The following RERE variants were observed in gnomAD, a reference collection of about 807,000 sequenced individuals.
The protein encoded by RERE is arginine-glutamic acid dipeptide repeats protein.
A neutral mutation model predicts 146.1 loss-of-function variants in RERE; 40 were observed. That is an observed-to-expected ratio of 0.27 (90% CI 0.21 to 0.36). RERE has a LOEUF of 0.36. RERE is among the 10% of genes least tolerant of loss of function. The pLI is 1.00. For synonymous variants in RERE, 1,003 were observed against 866.0 expected (o/e 1.16, Z -2.78); for missense variants, 1,933 against 2,138.7 (o/e 0.90, Z 1.90).
intron 6 of RERE, among the ~76,000 whole-genome samples, chr1:8,544,122 T>C (rs1645831190): frequency 6.6e-6 from 1 of 152,192 alleles, no homozygotes; most frequent in African/African-American, 2.4e-5. Context: ...AATTGACTGG[T>C]TTCCTCCTTT....
chr1:8,771,828 T>C (rs1640957359), intron 1 of RERE, among the ~76,000 whole-genome samples: 1 of 142,866 alleles, frequency 7.0e-6, no homozygotes, highest in Non-Finnish European at 1.5e-5. Flanking sequence ...GAGAATGGCA[T>C]GAACCCGGGA....
chr1:8,622,119 G>T (rs1357863630), intron 3 of RERE, among the ~76,000 whole-genome samples: 2 of 152,254 alleles, frequency 1.3e-5, no homozygotes, highest in East Asian at 3.9e-4. Flanking sequence ...ACTGACAACA[G>T]AAGCTTTAGC....
intron 8 of RERE, among the ~76,000 whole-genome samples, chr1:8,501,225 C>G (rs1460771092): frequency 1.6e-5 from 2 of 122,968 alleles, no homozygotes; most frequent in African/African-American, 3.4e-5. Flanking sequence ...CAGCCCCCCG[C>G]CCGGCCGGCC....
intron 11 of RERE, among the ~76,000 whole-genome samples, chr1:8,462,101 G>A (rs1215866353): frequency 6.6e-6 from 1 of 152,122 alleles, no homozygotes; most frequent in Admixed American, 6.6e-5. Flanking sequence ...GGTTTCTGAG[G>A]CATGTAAAAG....
chr1:8,401,828 A>G (rs1170216217), intron 12 of RERE, among the ~76,000 whole-genome samples: 1 of 152,070 alleles, frequency 6.6e-6, no homozygotes, highest in Non-Finnish European at 1.5e-5. Flanking sequence ...TTTGTAAACA[A>G]TACAACACAG....
chr1:8,711,546 T>G (rs1303589233), intron 1 of RERE, among the ~76,000 whole-genome samples: 1 of 152,144 alleles, frequency 6.6e-6, no homozygotes, highest in African/African-American at 2.4e-5. Flanking sequence ...GAGCGATACG[T>G]TGAAAAGCCA....
chr1:8,755,269 T>C (rs1343698880), intron 1 of RERE, among the ~76,000 whole-genome samples: 1 of 152,240 alleles, frequency 6.6e-6, no homozygotes, highest in Non-Finnish European at 1.5e-5. Flanking sequence ...TCAAAACATC[T>C]GGTGCACCAC....
rs774181617 is a variant in RERE at position 8,355,511 on chromosome 1, G to A, written c.4575C>T (p.Ala1525=). The part of the protein sequence containing the change: ...HQLQAMHAQS[A]ELQRLAMEQQ... ...GCTCCATGGCCAGTCTCTGCAGCTC[G>A]GCCGACTGGGCATGCATGGCCTGCA... Residue 1525 remains alanine (A), a synonymous_variant, in exon 22 of 23, where the codon GCC becomes GCT. Transcript: ENST00000400908. 7 of 1,611,974 alleles carry A rather than the reference G, an allele frequency of 4.3e-6. No individual in the cohort carries two copies. Among genetic ancestry groups the A allele is most frequent in the Admixed American group, 3.3e-5 (2 of 59,964 alleles).
intron 10 of RERE, among the ~76,000 whole-genome samples, chr1:8,481,670 T>C (rs1469916339): frequency 1.3e-5 from 2 of 152,196 alleles, no homozygotes; most frequent in Non-Finnish European, 2.9e-5. Context: ...AGCTGACCAA[T>C]AGTTGATACC....
chr1:8,558,403 C>T (rs1487417419), intron 4 of RERE, among the ~76,000 whole-genome samples: 2 of 152,142 alleles, frequency 1.3e-5, no homozygotes, highest in Non-Finnish European at 2.9e-5. Context: ...AGGTTCCCTG[C>T]GGCCTCCTAA....
intron 20 of RERE, 39 bp downstream of exon 20, chr1:8,358,157 C>T (rs750420203): frequency 1.3e-6 from 2 of 1,555,278 alleles, no homozygotes; most frequent in Admixed American, 3.5e-5. Flanking sequence ...TGCACCCCTC[C>T]CCGTGCCTCT....
rs573846620 is a variant in RERE, at chr1:8,786,474, G to A, written c.-145+30686C>T. ...TATTCATCTTGCCATAACCACGCTT[G>A]TAGATTAGTTCATTTACTGACTTCA... On this transcript the variant is annotated intron_variant, in intron 1 of 22. Coordinates refer to ENST00000400908, the MANE Select transcript of RERE (RefSeq NM_001042681.2). The A allele has an allele frequency of 1.0e-5, 9 of 867,076 alleles. No individual in the cohort carries two copies. The South Asian group carries it at 1.2e-4, about 11-fold the overall frequency. The allele number at this position is 867,076 out of a possible 1,614,324, so 53.7% of individuals were successfully genotyped here.
chr1:8,355,685 G>T, intron 21 of RERE, 86 bp from the exon 22 acceptor site: 1 of 1,181,156 alleles, frequency 8.5e-7, no homozygotes. Context: ...AAACGGCAAA[G>T]AGCACAGGAG....
At chr1:8,398,470 CCAGTGTAAA>C (rs1643133538) in intron 12 of RERE, among the ~76,000 whole-genome samples, 1 of 152,206 alleles carries the variant, frequency 6.6e-6, no homozygotes, top group Non-Finnish European at 1.5e-5. Context: ...CTTGACCGCC[CCAGTGTAAA>C]ATAAGATCCT....
intron 7 of RERE, among the ~76,000 whole-genome samples, chr1:8,533,044 CT>C (rs1156793443): frequency 2.0e-5 from 3 of 152,172 alleles, no homozygotes; most frequent in African/African-American, 7.2e-5. Flanking sequence ...ATTTATTTTT[CT>C]TTTCGGTCTA....
intron 1 of RERE, among the ~76,000 whole-genome samples, chr1:8,666,121 T>C (rs142901701): frequency 1.6e-3 from 238 of 152,068 alleles, no homozygotes; most frequent in African/African-American, 4.7e-3. Context: ...TCCAATACAG[T>C]AGGTTAAGTG....
chr1:8,759,618 A>G (rs532592076), intron 1 of RERE, among the ~76,000 whole-genome samples: 1 of 152,284 alleles, frequency 6.6e-6, no homozygotes, highest in South Asian at 2.1e-4. Context: ...TCAAAATCTC[A>G]AGAGATATGG....
intron 4 of RERE, among the ~76,000 whole-genome samples, chr1:8,580,655 T>C (rs1646352568): frequency 6.6e-6 from 1 of 152,158 alleles, no homozygotes; most frequent in South Asian, 2.1e-4. Context: ...GAAAGTTCTC[T>C]CAAGCACTTT....
chr1:8,644,916 T>C (rs1258592235), intron 2 of RERE, among the ~76,000 whole-genome samples: 2 of 152,228 alleles, frequency 1.3e-5, no homozygotes, highest in Non-Finnish European at 2.9e-5. Context: ...CTATCTCTTC[T>C]TTTTTCTTCC....
Sources: gnomAD v4.1 joint callset for allele counts (sites outside exome capture counted in the v4.1 genomes callset) on GRCh38, gnomAD v4.1.1 for gene constraint, MANE v1.5 for transcripts, NCBI Gene and HGNC (gene_info 2026-07-23, HGNC 2026-07-21) for gene names.